The following LDB2 variants were observed in gnomAD, a reference collection of about 807,000 sequenced individuals.
LDB2 encodes LIM domain binding 2, also known as LIM domain-binding protein 2.
Under a neutral mutation model 44.3 loss-of-function variants are expected in LDB2, and 12 were observed. The ratio of observed to expected loss-of-function variants is 0.27; its 90% CI spans 0.17 to 0.44. LDB2 has a LOEUF of 0.44. LDB2 is among the 20% of genes least tolerant of loss of function. The probability of loss-of-function intolerance (pLI) is 1.00; values close to 1 mark genes in which losing one functional copy is unlikely to be tolerated. For missense variants in LDB2, 344 were observed against 473.5 expected (o/e 0.73, Z 2.54); for synonymous variants, 164 against 174.8 (o/e 0.94, Z 0.49).
chr4:16,765,577 G>A (rs917950241), intron 1 of LDB2, among the ~76,000 whole-genome samples: 2 of 152,212 alleles, frequency 1.3e-5, no homozygotes, highest in Non-Finnish European at 2.9e-5. Flanking sequence ...TGGACATTAT[G>A]TATCTATGCA....
intron 5 of LDB2, among the ~76,000 whole-genome samples, chr4:16,540,919 A>G (rs989789819): frequency 2.0e-5 from 3 of 152,332 alleles, no homozygotes; most frequent in South Asian, 4.1e-4. Flanking sequence ...GTGTTCAACA[A>G]GAGTTCTTCA....
In LDB2 at chr4:16,746,404, C is replaced by T. The variant is rs201044895; in HGVS notation, c.235+12754G>A. ...CAAATCTGTATCTGTCTCTTTTTAG[C>T]CAAAGCCACGGCTAATATTGGACAG... On this transcript the variant is annotated intron_variant, in intron 2 of 7. Transcript: ENST00000304523. 9.9e-5 allele frequency among the ~76,000 whole-genome samples: 15 copies of T among 152,144 alleles called. No individual in the cohort carries two copies. The East Asian group carries it at 2.7e-3, about 28-fold the overall frequency.
intron 1 of LDB2, among the ~76,000 whole-genome samples, chr4:16,822,960 G>T (rs1370624761): frequency 6.6e-6 from 1 of 152,194 alleles, no homozygotes; most frequent in Non-Finnish European, 1.5e-5. Context: ...AGTTCACACA[G>T]CTGATCAAAT....
intron 2 of LDB2, among the ~76,000 whole-genome samples, chr4:16,750,151 C>A (rs186078436): frequency 3.9e-5 from 6 of 152,160 alleles, no homozygotes; most frequent in African/African-American, 1.4e-4. Context: ...CACCTGAAAT[C>A]ATCTCTTAGA....
intron 1 of LDB2, among the ~76,000 whole-genome samples, chr4:16,787,238 T>C (rs186771811): frequency 2.0e-5 from 3 of 152,234 alleles, no homozygotes; most frequent in East Asian, 3.9e-4. Flanking sequence ...TGAGGATCTA[T>C]AGAGAACCAT....
chr4:16,776,083 C>T (rs1771830673), intron 1 of LDB2, among the ~76,000 whole-genome samples: 1 of 152,210 alleles, frequency 6.6e-6, no homozygotes, highest in African/African-American at 2.4e-5. Flanking sequence ...GAACTTTTCG[C>T]TTTCCCCCTT....
At position 16,515,374 on chromosome 4, in the gene LDB2, C is replaced by T. The variant is rs563771728; in HGVS notation, c.616-3270G>A. 3.2e-4 allele frequency among the ~76,000 whole-genome samples: 48 copies of T among 152,302 alleles called. No homozygotes were observed. The South Asian group carries it at 8.9e-3, about 28-fold the overall frequency. ...AATAGAAGCCCAAACCTCAGCATCA[C>T]ATAACATGCATGTGTCACAAACCTG... is the stretch of plus-strand genomic sequence containing the variant. On this transcript the variant is annotated intron_variant, in intron 5 of 7. Coordinates refer to ENST00000304523, the MANE Select transcript of LDB2 (RefSeq NM_001290.5).
intron 2 of LDB2, among the ~76,000 whole-genome samples, chr4:16,722,573 G>T (rs73241026): frequency 6.6e-6 from 1 of 152,020 alleles, no homozygotes; most frequent in Admixed American, 6.6e-5. Flanking sequence ...CATCTCTTTT[G>T]TGCCCTAGGC....
chr4:16,838,283 G>C (rs914082951), intron 1 of LDB2, among the ~76,000 whole-genome samples: 5 of 152,132 alleles, frequency 3.3e-5, no homozygotes, highest in African/African-American at 1.2e-4. Flanking sequence ...TAAAAACGGA[G>C]ATCAGCAAGC....
intron 5 of LDB2, among the ~76,000 whole-genome samples, chr4:16,583,279 C>A (rs934083615): frequency 2.6e-5 from 4 of 152,176 alleles, no homozygotes; most frequent in Non-Finnish European, 4.4e-5. Context: ...ATGGCTGGAG[C>A]CTTTAAAATC....
chr4:16,756,157 C>A (rs1251501987), intron 2 of LDB2, among the ~76,000 whole-genome samples: 1 of 152,098 alleles, frequency 6.6e-6, no homozygotes, highest in Non-Finnish European at 1.5e-5. Flanking sequence ...TAAAATCTAT[C>A]AGAACAGCCA....
At chr4:16,531,519 T>G (rs1730140648) in intron 5 of LDB2, among the ~76,000 whole-genome samples, 1 of 152,194 alleles carries the variant, frequency 6.6e-6, no homozygotes, top group Non-Finnish European at 1.5e-5. Context: ...ACCATTCACT[T>G]TCTCTATTTG....
At chr4:16,805,223 T>C (rs1339978643) in intron 1 of LDB2, among the ~76,000 whole-genome samples, 1 of 152,190 alleles carries the variant, frequency 6.6e-6, no homozygotes, top group Non-Finnish European at 1.5e-5. Flanking sequence ...TCAAGTACCA[T>C]TCACATTAGG....
chr4:16,609,410 G>A (rs184816817), intron 2 of LDB2, among the ~76,000 whole-genome samples: 7 of 151,918 alleles, frequency 4.6e-5, no homozygotes, highest in African/African-American at 1.7e-4. Context: ...GAGCTCCTTG[G>A]GGGAGGGGCA....
At chr4:16,885,418 T>G (rs948718878) in intron 1 of LDB2, among the ~76,000 whole-genome samples, 7 of 152,154 alleles carry the variant, frequency 4.6e-5, no homozygotes, top group Admixed American at 4.6e-4. Context: ...ACAGAGAATA[T>G]CAGTTGTTAT....
At chr4:16,708,370 C>T (rs954078069) in intron 2 of LDB2, among the ~76,000 whole-genome samples, 6 of 151,998 alleles carry the variant, frequency 3.9e-5, no homozygotes, top group African/African-American at 9.7e-5. Flanking sequence ...ACACAGAGAA[C>T]CCCCAATGGT....
chr4:16,812,883 T>A (rs965573241), intron 1 of LDB2, among the ~76,000 whole-genome samples: 2 of 152,186 alleles, frequency 1.3e-5, no homozygotes, highest in African/African-American at 4.8e-5. Context: ...TCCTCATTAA[T>A]CTTCTAAGAT....
intron 5 of LDB2, among the ~76,000 whole-genome samples, chr4:16,572,781 C>G (rs563584424): frequency 6.6e-6 from 1 of 152,104 alleles, no homozygotes; most frequent in African/African-American, 2.4e-5. Context: ...TAAAAGTGCC[C>G]TTCGGGTGTT....
At position 16,880,761 on chromosome 4, in the gene LDB2, G is replaced by A. The variant is rs189215951; in HGVS notation, c.132+17593C>T. Among the ~76,000 whole-genome samples the A allele has an allele frequency of 1.4e-4, 21 of 152,006 alleles. No homozygotes were observed. The East Asian group carries it at 2.5e-3, about 18-fold the overall frequency. ...CTACTAAAAATACAAAAAATTAGCC[G>A]AGTGTGGTGGCGGGTGCCTGTAGTC... On this transcript the variant is annotated intron_variant, in intron 1 of 7. Transcript: ENST00000304523.
Sources: allele counts gnomAD v4.1 joint callset (sites outside exome capture counted in the v4.1 genomes callset), GRCh38; gene constraint gnomAD v4.1.1; transcripts MANE v1.5; gene names NCBI Gene and HGNC (gene_info 2026-07-23, HGNC 2026-07-21).